KIRREL1: variants seen among roughly 807,000 people sequenced by gnomAD.
KIRREL1 encodes the protein kin of IRRE-like protein 1.
In KIRREL1, 25 loss-of-function variants were observed where a neutral mutation model predicts 83.3. The ratio of observed to expected loss-of-function variants is 0.30; its 90% CI spans 0.22 to 0.42. KIRREL1 has a LOEUF of 0.42. Ranked by LOEUF, KIRREL1 falls within the 10% of genes least tolerant of loss-of-function variation. KIRREL1 has a pLI of 1.00. For synonymous variants in KIRREL1, 388 were observed against 410.4 expected (o/e 0.95, Z 0.66); for missense variants, 812 against 1,032.3 (o/e 0.79, Z 2.92).
At chr1:158,002,981 T>A (rs1407682514) in intron 1 of KIRREL1, among the ~76,000 whole-genome samples, 1 of 152,134 alleles carries the variant, frequency 6.6e-6, no homozygotes, top group Admixed American at 6.5e-5. Flanking sequence ...TCTCCCAACC[T>A]CTTGTGTCCA....
In KIRREL1 at chr1:158,095,023, C is replaced by G. The variant is rs1216100817; in HGVS notation, c.2177C>G (p.Pro726Arg). The part of the protein sequence containing the change: ...LERTPYEAYD[P>R]IGKYATATRF... Reference sequence around the variant, plus strand: ...CGGACCCCATATGAGGCGTATGACCCCATTGGCAAGTACGCCACAGCCACT... The same window carrying G: ...CGGACCCCATATGAGGCGTATGACCGCATTGGCAAGTACGCCACAGCCACT... The change falls in exon 15 of 15, where the codon CCC becomes CGC. Residue 726 changes from proline to arginine, a missense_variant. This residue lies in a region of KIRREL1 where 334 missense variants were observed against 383.7 expected (regional missense o/e 0.87). Coordinates refer to ENST00000359209, the MANE Select transcript of KIRREL1 (RefSeq NM_018240.7). 1.9e-6 allele frequency: 3 copies of G among 1,613,842 alleles called. No homozygotes were observed. The highest frequency in any genetic ancestry group is 2.5e-6 in the Non-Finnish European group (3 of 1,179,922).
At chr1:158,014,230 G>A (rs1411708975) in intron 1 of KIRREL1, among the ~76,000 whole-genome samples, 1 of 151,972 alleles carries the variant, frequency 6.6e-6, no homozygotes, top group East Asian at 1.9e-4. Context: ...AGGGAGGAGG[G>A]GGAGGGAAGA....
At chr1:158,016,744 G>C (rs192079811) in intron 1 of KIRREL1, among the ~76,000 whole-genome samples, 1 of 152,348 alleles carries the variant, frequency 6.6e-6, no homozygotes, top group African/African-American at 2.4e-5. Flanking sequence ...AATCTCCAAA[G>C]TGAGGAACCT....
Position 158,095,134 on chromosome 1 carries a change from G to T in KIRREL1, c.*14G>T. On this transcript the variant is annotated 3_prime_UTR_variant, in exon 15 of 15. Transcript: ENST00000359209. ...ACTCACGTGTAGGGGCCAGAGCCTG[G>T]CTGGGGCATCTCTGCGGGGCAGAGG... is the stretch of plus-strand genomic sequence containing the variant. The T allele has an allele frequency of 1.9e-6, 3 of 1,556,262 alleles. No homozygotes were observed. Among genetic ancestry groups the T allele is most frequent in the Non-Finnish European group, 2.6e-6 (3 of 1,140,400 alleles).
At chr1:158,010,553 C>T (rs961582375) in intron 1 of KIRREL1, among the ~76,000 whole-genome samples, 4 of 152,032 alleles carry the variant, frequency 2.6e-5, no homozygotes, top group Non-Finnish European at 4.4e-5. Context: ...AGTTTCTCCC[C>T]GAAGAAACAT....
At chr1:158,026,749 AGATGT>A (rs1660183402) in intron 1 of KIRREL1, among the ~76,000 whole-genome samples, 1 of 152,210 alleles carries the variant, frequency 6.6e-6, no homozygotes, top group African/African-American at 2.4e-5. Flanking sequence ...CTCACAGCTA[AGATGT>A]GACAGAGCAG....
chr1:157,995,692 T>C (rs1659176325), intron 1 of KIRREL1, among the ~76,000 whole-genome samples: 1 of 152,184 alleles, frequency 6.6e-6, no homozygotes, highest in South Asian at 2.1e-4. Flanking sequence ...TTGTGTGTTG[T>C]GTGCCTTTCT....
intron 1 of KIRREL1, among the ~76,000 whole-genome samples, chr1:158,029,173 A>C (rs1660249226): frequency 6.7e-6 from 1 of 149,996 alleles, no homozygotes; most frequent in Admixed American, 6.7e-5. Context: ...AATCAACAGC[A>C]AAGTATTTAC....
At chr1:158,070,232 G>A (rs1265930520) in intron 1 of KIRREL1, among the ~76,000 whole-genome samples, 2 of 152,196 alleles carry the variant, frequency 1.3e-5, no homozygotes, top group African/African-American at 4.8e-5. Context: ...TCTGGGTAGA[G>A]GTCATGAATC....
At chr1:158,018,599 C>T (rs4971175) in intron 1 of KIRREL1, among the ~76,000 whole-genome samples, 147,257 of 152,192 alleles carry the variant, frequency 0.97, 71,416 homozygotes, top group East Asian at 1. Flanking sequence ...GGAGGAAGGG[C>T]GAAAGCAAAA....
At chr1:158,087,956 T>A (rs1337468486) in intron 6 of KIRREL1, 50 bp from the exon 7 acceptor site, 6 of 1,611,980 alleles carry the variant, frequency 3.7e-6, no homozygotes, top group Non-Finnish European at 5.1e-6. Flanking sequence ...ATGGATGTAG[T>A]TGAGAGGGTC....
intron 1 of KIRREL1, among the ~76,000 whole-genome samples, chr1:158,024,767 C>T (rs918757795): frequency 2.0e-5 from 3 of 152,262 alleles, no homozygotes; most frequent in East Asian, 3.9e-4. Context: ...GTCCCTTCCC[C>T]GACCCAGTTC....
chr1:158,035,154 G>GC (rs1660439723), intron 1 of KIRREL1, among the ~76,000 whole-genome samples: 1 of 152,194 alleles, frequency 6.6e-6, no homozygotes, highest in Admixed American at 6.5e-5. Context: ...TGGCTAGGTA[G>GC]CTATTCAGGC....
intron 1 of KIRREL1, among the ~76,000 whole-genome samples, chr1:158,056,743 G>A (rs917804969): frequency 2.0e-5 from 3 of 152,214 alleles, no homozygotes; most frequent in Admixed American, 1.3e-4. Context: ...AATGCATCAC[G>A]TTTAGATAGC....
At chr1:158,064,125 A>G (rs1275533267) in intron 1 of KIRREL1, among the ~76,000 whole-genome samples, 1 of 152,218 alleles carries the variant, frequency 6.6e-6, no homozygotes, top group Non-Finnish European at 1.5e-5. Context: ...GTGTGTGTGG[A>G]TGATGCACGA....
In KIRREL1 at chr1:158,060,019, G is replaced by A. The variant is rs1356522575; in HGVS notation, c.53-16094G>A. 5.3e-5 allele frequency among the ~76,000 whole-genome samples: 8 copies of A among 152,132 alleles called. No individual in the cohort carries two copies. In the East Asian group the frequency reaches 1.3e-3, roughly 26 times the overall value. ...AGGTTGGTGTGAGGTTTCTGTGAAA[G>A]TTCCTTCCTCCAAGTCTCTGCTCCT... is the stretch of plus-strand genomic sequence containing the variant. On this transcript the variant is annotated intron_variant, in intron 1 of 14. Transcript: ENST00000359209.
intron 3 of KIRREL1, among the ~76,000 whole-genome samples, chr1:158,080,225 T>C (rs1445533489): frequency 6.6e-6 from 1 of 152,176 alleles, no homozygotes; most frequent in Non-Finnish European, 1.5e-5. Context: ...ACTGCTGCCC[T>C]GGAGTACTCG....
In KIRREL1 at chr1:158,086,575, C is replaced by T. The variant is rs1184144809; in HGVS notation, c.511-21C>T. On this transcript the variant is annotated intron_variant, in intron 4 of 14. Transcript: ENST00000359209. ...GGGGGCTTTTAGCTTAACCATATCTCCCACCCTTGTCATGTTCCAGGAATT... is the reference window on the plus strand; with the variant it reads ...GGGGGCTTTTAGCTTAACCATATCTTCCACCCTTGTCATGTTCCAGGAATT... 7 of 1,551,130 alleles carry T rather than the reference C, an allele frequency of 4.5e-6. No individual in the cohort carries two copies. The African/African-American group carries it at 8.2e-5, about 18-fold the overall frequency.
intron 1 of KIRREL1, among the ~76,000 whole-genome samples, chr1:158,024,270 ATTTTTTTTTTTTT>A (rs67318767): frequency 1.4e-4 from 10 of 70,012 alleles, no homozygotes; most frequent in African/African-American, 4.4e-4. Context: ...TTGTTGTTGT[ATTTTTTTTTTTTT>A]TTTTTTTTTT....
Sources: gnomAD v4.1 joint callset for allele counts (sites outside exome capture counted in the v4.1 genomes callset) on GRCh38, gnomAD v4.1.1 for gene constraint, gnomAD v4.1.1 regional missense constraint, MANE v1.5 for transcripts, NCBI Gene and HGNC (gene_info 2026-07-23, HGNC 2026-07-21) for gene names.